ERAP2: variants seen among roughly 807,000 people sequenced by gnomAD.
The protein encoded by ERAP2 is leukocyte-derived arginine aminopeptidase.
In ERAP2, 118 loss-of-function variants were observed where a neutral mutation model predicts 111.1. The ratio of observed to expected loss-of-function variants is 1.06; its 90% CI spans 0.92 to 1.24. The LOEUF is 1.24. Among genes scored for constraint, ERAP2 ranks in the 50% most tolerant of loss-of-function variants. The pLI, the probability that ERAP2 is intolerant of heterozygous loss-of-function variation, is 0.00. For synonymous variants in ERAP2, 410 were observed against 401.2 expected (o/e 1.02, Z -0.26); for missense variants, 1,131 against 1,125.8 (o/e 1.00, Z -0.07).
At position 96,909,006 on chromosome 5, in the gene ERAP2, C is replaced by T. The variant is rs759955081; in HGVS notation, c.2058C>T (p.Tyr686=). 5.0e-6 allele frequency: 8 copies of T among 1,614,128 alleles called. No individual in the cohort carries two copies. The highest frequency in any genetic ancestry group is 6.8e-6 in the Non-Finnish European group (8 of 1,180,000). ...ACAAAGCTCTTGACATGACTTACTA[C>T]CTCCAACATGAAACAAGCAGCCCCG... The part of the protein sequence containing the change: ...TLDKALDMTY[Y]LQHETSSPAL... Residue 686 remains tyrosine, a synonymous_variant, in exon 14 of 19, where the codon TAC becomes TAT. Coordinates refer to ENST00000437043, the MANE Select transcript of ERAP2 (RefSeq NM_022350.5).
chr5:96,916,311 A>G (rs1418618445), intron 18 of ERAP2, among the ~76,000 whole-genome samples: 1 of 152,038 alleles, frequency 6.6e-6, no homozygotes, highest in African/African-American at 2.4e-5. Context: ...TATTCATAGC[A>G]TTCAAAATGA....
Position 96,909,227 on chromosome 5 carries a change from G to A in ERAP2, c.2169+110G>A, listed in dbSNP as rs1412087369. ...CTTGAGGTTAAATCTGGAGCAGCTC[G>A]GGGGACTGACTGATAGCATGTAATG... On this transcript the variant is annotated intron_variant, in intron 14 of 18. Coordinates refer to ENST00000437043, the MANE Select transcript of ERAP2 (RefSeq NM_022350.5). 2.7e-5 allele frequency: 28 copies of A among 1,028,598 alleles called. No individual in the cohort carries two copies. In the East Asian group the frequency reaches 3.0e-4, roughly 11 times the overall value. 63.7% of individuals were successfully genotyped at this position (1,028,598 alleles called of 1,614,324 possible).
Position 96,879,979 on chromosome 5 carries a change from A to G in ERAP2, c.294A>G (p.Glu98=). 3 of 1,614,210 alleles carry G rather than the reference A, an allele frequency of 1.9e-6. No homozygotes were observed. Among genetic ancestry groups the G allele is most frequent in the Non-Finnish European group, 2.5e-6 (3 of 1,180,034 alleles). ...ACTTTGTTGCATCTGAGAAGATCGA[A>G]GTCTTGGTCAGCAATGCTACCCAGT... is the stretch of plus-strand genomic sequence containing the variant. ...SLDFVASEKI[E]VLVSNATQFI... The change falls in exon 2 of 19, where the codon GAA becomes GAG. Residue 98 remains glutamate, a synonymous_variant. Transcript: ENST00000437043.
intron 9 of ERAP2, among the ~76,000 whole-genome samples, chr5:96,897,694 G>T (rs1211055170): frequency 6.6e-6 from 1 of 152,042 alleles, no homozygotes; most frequent in Non-Finnish European, 1.5e-5. Flanking sequence ...TAATTCAGAT[G>T]ATTCTAATAA....
intron 11 of ERAP2, among the ~76,000 whole-genome samples, 160 bp downstream of exon 11, chr5:96,901,841 A>G (rs1184778654): frequency 6.6e-6 from 1 of 152,244 alleles, no homozygotes; most frequent in African/African-American, 2.4e-5. Context: ...AGCTTCATAT[A>G]ACCCGGACTT....
intron 4 of ERAP2, 152 bp downstream of exon 4, chr5:96,886,941 T>A (rs1783793704): frequency 4.5e-6 from 3 of 660,494 alleles, no homozygotes; most frequent in Non-Finnish European, 6.5e-6. Flanking sequence ...TTATCCATAG[T>A]CCTGTCACCA....
chr5:96,912,912 T>C, intron 16 of ERAP2, 114 bp downstream of exon 16: 1 of 810,036 alleles, frequency 1.2e-6, no homozygotes. Context: ...TCAGAATGTG[T>C]ATGGCTTTAA....
Position 96,917,505 on chromosome 5 carries a change from T to C in ERAP2, c.2783T>C (p.Leu928Pro). 6.2e-7 allele frequency: 1 copy of C among 1,613,828 alleles called. No individual in the cohort carries two copies. Among genetic ancestry groups the C allele is most frequent in the East Asian group, 2.2e-5 (1 of 44,856 alleles). ...FESLEAQGSH[L>P]DIFQTVLETI... ...TCTCTTGAGGCTCAAGGATCACATCTGGATATTTTTCAAACTGTTCTGGAA... is the reference window on the plus strand; with the variant it reads ...TCTCTTGAGGCTCAAGGATCACATCCGGATATTTTTCAAACTGTTCTGGAA... The change falls in exon 19 of 19, where the codon CTG becomes CCG. Residue 928 changes from leucine (L) to proline (P), a missense_variant. Leu to Pro is a moderately conservative substitution (Grantham distance 98, BLOSUM62 -3). This residue lies in a region of ERAP2 where 279 missense variants were observed against 250.9 expected (regional missense o/e 1.11). Coordinates refer to ENST00000437043, the MANE Select transcript of ERAP2 (RefSeq NM_022350.5).
At chr5:96,895,174 A>G in intron 6 of ERAP2, 72 bp from the exon 7 acceptor site, 1 of 835,032 alleles carries the variant, frequency 1.2e-6, no homozygotes, top group Non-Finnish European at 1.9e-6. Context: ...GTTAGTAACT[A>G]TTGTATTTTT....
In ERAP2 at chr5:96,892,334, A is replaced by G. The variant is rs1784468919; in HGVS notation, c.1006A>G (p.Met336Val). The stretch of plus-strand genomic sequence containing the variant: ...TATTCCTGACTTTGCACCTGGAGCC[A>G]TGGAAAATTGGGGCCTCATTACATA... ...IAIPDFAPGA[M>V]ENWGLITYRE... is the part of the protein sequence containing the mutation. Residue 336 changes from methionine to valine, a missense_variant, in exon 6 of 19, where the codon ATG becomes GTG. Physicochemically the swap from Met to Val is conservative, Grantham distance 21. This residue lies in a region of ERAP2 where 847 missense variants were observed against 856.5 expected (regional missense o/e 0.99). Transcript: ENST00000437043. 2.5e-6 allele frequency: 4 copies of G among 1,613,872 alleles called. No individual in the cohort carries two copies. Among genetic ancestry groups the G allele is most frequent in the East Asian group, 2.2e-5 (1 of 44,894 alleles).
At chr5:96,885,764 A>T (rs1196013643) in intron 3 of ERAP2, among the ~76,000 whole-genome samples, 1 of 152,146 alleles carries the variant, frequency 6.6e-6, no homozygotes, top group Admixed American at 6.6e-5. Context: ...AGATTATTGG[A>T]TCTGTATCCA....
chr5:96,890,662 T>C (rs1200768965), intron 5 of ERAP2, among the ~76,000 whole-genome samples: 1 of 152,218 alleles, frequency 6.6e-6, no homozygotes, highest in Admixed American at 6.5e-5. Flanking sequence ...CTCCAATGCA[T>C]TTTCCTTACA....
intron 12 of ERAP2, 96 bp downstream of exon 12, chr5:96,902,449 A>G (rs1373036269): frequency 5.6e-6 from 4 of 714,234 alleles, no homozygotes; most frequent in Non-Finnish European, 9.6e-6. Context: ...ATCTAACAAT[A>G]AAAGATTTAT....
chr5:96,885,972 T>G (rs959616123), intron 3 of ERAP2, among the ~76,000 whole-genome samples: 2 of 152,216 alleles, frequency 1.3e-5, no homozygotes, highest in African/African-American at 2.4e-5. Context: ...CCTGACTGCT[T>G]TCATTGCTGA....
intron 11 of ERAP2, 118 bp downstream of exon 11, chr5:96,901,799 A>G (rs1561386096): frequency 1.0e-6 from 1 of 982,182 alleles, no homozygotes; most frequent in Non-Finnish European, 1.5e-6. Flanking sequence ...ATAAGAATCA[A>G]AGGCCTAAAG....
At chr5:96,887,148 A>G (rs937297374) in intron 4 of ERAP2, among the ~76,000 whole-genome samples, 19 of 150,176 alleles carry the variant, frequency 1.3e-4, no homozygotes, top group Admixed American at 4.0e-4. Context: ...CCCTTTGCAA[A>G]ATAATATATT....
intron 1 of ERAP2, among the ~76,000 whole-genome samples, chr5:96,879,132 T>A (rs780292951): frequency 6.6e-6 from 1 of 152,072 alleles, no homozygotes; most frequent in East Asian, 1.9e-4. Flanking sequence ...GGTGGGAGGA[T>A]CACTTGAGCC....
chr5:96,888,830 C>A (rs1297696835), intron 4 of ERAP2, among the ~76,000 whole-genome samples: 9 of 152,128 alleles, frequency 5.9e-5, no homozygotes, highest in Non-Finnish European at 1.2e-4. Flanking sequence ...TTGTGGTCAT[C>A]ATTTTGGAAA....
Position 96,901,540 on chromosome 5 carries a change from AGAT to A in ERAP2, c.1613_1615del (p.Met538del), listed in dbSNP as rs773810040. The A allele has an allele frequency of 1.9e-6, 3 of 1,614,020 alleles. No homozygotes were observed. Among genetic ancestry groups the A allele is most frequent in the Non-Finnish European group, 2.5e-6 (3 of 1,179,932 alleles). On this transcript the variant is annotated inframe_deletion, in exon 11 of 19. Transcript: ENST00000437043. The stretch of plus-strand genomic sequence containing the variant: ...CTGGGGGAAAATGCAGAGGTCAAAG[AGAT>A]GATGACTACATGGACTCTCCAGAAA...
Sources: allele counts gnomAD v4.1 joint callset (sites outside exome capture counted in the v4.1 genomes callset), GRCh38; gene constraint gnomAD v4.1.1; regional missense constraint gnomAD v4.1.1; transcripts MANE v1.5; gene names NCBI Gene and HGNC (gene_info 2026-07-23, HGNC 2026-07-21).